The following LGALS2 variants were observed in gnomAD, a reference collection of about 807,000 sequenced individuals.
LGALS2 encodes the protein galectin-2.
In LGALS2, 7 loss-of-function variants were observed where a neutral mutation model predicts 10.1. The observed-to-expected ratio is 0.70, with a 90% CI of 0.40 to 1.31. The LOEUF is 1.31. LGALS2 is among the 50% of genes most tolerant of loss of function. The probability of loss-of-function intolerance (pLI) is 0.01; values close to 1 mark genes in which losing one functional copy is unlikely to be tolerated. For missense variants in LGALS2, 167 were observed against 163.6 expected, an observed-to-expected ratio of 1.02 and a Z score of -0.11; for synonymous variants, 86 against 64.2, an observed-to-expected ratio of 1.34 and a Z score of -1.63.
Position 37,570,420 on chromosome 22 carries a change from GA to G in LGALS2, c.250-9del. ...CTCAAAGGTCACTGTGAACTGTGGGGAGGGAGGGTGTCAAGGAGGCAGGAGG... is the reference window on the plus strand; with the variant it reads ...CTCAAAGGTCACTGTGAACTGTGGGGGGGAGGGTGTCAAGGAGGCAGGAGG... On this transcript the variant is annotated splice_polypyrimidine_tract_variant and intron_variant, in intron 3 of 3. Coordinates refer to ENST00000215886, the MANE Select transcript of LGALS2 (RefSeq NM_006498.3). 1.2e-6 allele frequency: 2 copies of G among 1,611,904 alleles called. No homozygotes were observed. Among genetic ancestry groups the G allele is most frequent in the Non-Finnish European group, 1.7e-6 (2 of 1,178,600 alleles).
intron 1 of LGALS2, among the ~76,000 whole-genome samples, chr22:37,576,028 T>C (rs1434436069): frequency 1.3e-5 from 2 of 152,124 alleles, no homozygotes; most frequent in African/African-American, 4.8e-5. Flanking sequence ...GGGTCCGTTG[T>C]CTCCTGGGAG....
In LGALS2 at chr22:37,571,863, G is replaced by A. The variant is rs375809117; in HGVS notation, c.75C>T (p.Ala25=). 47 of 1,613,958 alleles carry A rather than the reference G, an allele frequency of 2.9e-5. No homozygotes were observed. The highest frequency in any genetic ancestry group is 1.6e-4 in the East Asian group (7 of 44,864). ...ACCTTGCTCACCCATCAGTGCCATC[G>A]GCGATGCTGCCTGTGATCTTCAGGG... ...GSTLKITGSI[A]DGTDGFVINL... The change falls in exon 2 of 4, where the codon GCC becomes GCT. Residue 25 remains alanine, a synonymous_variant. Transcript: ENST00000215886.
chr22:37,577,659 G>T (rs1925730836), intron 1 of LGALS2, among the ~76,000 whole-genome samples: 1 of 152,034 alleles, frequency 6.6e-6, no homozygotes, highest in South Asian at 2.1e-4. Context: ...GATTACAGGG[G>T]TGAGCCACCC....
intron 1 of LGALS2, among the ~76,000 whole-genome samples, chr22:37,572,247 G>A (rs905025960): frequency 6.6e-6 from 1 of 152,252 alleles, no homozygotes; most frequent in African/African-American, 2.4e-5. Flanking sequence ...GTGTTCAAGT[G>A]ATGAAATCAC....
At chr22:37,577,352 C>CTT (rs35255946) in intron 1 of LGALS2, among the ~76,000 whole-genome samples, 59 of 136,724 alleles carry the variant, frequency 4.3e-4, no homozygotes, top group Admixed American at 9.7e-4. Flanking sequence ...TCAATGTGAC[C>CTT]TTTTTTTTTT....
At chr22:37,578,319 T>C (rs1925746331) in intron 1 of LGALS2, among the ~76,000 whole-genome samples, 1 of 152,218 alleles carries the variant, frequency 6.6e-6, no homozygotes, top group Non-Finnish European at 1.5e-5. Context: ...GGTCTCACTC[T>C]GTTGCCCAGG....
Position 37,572,096 on chromosome 22 carries a change from G to T in LGALS2, c.7-165C>A, listed in dbSNP as rs568757138. ...AGCTGGAAAGTGGCAGAGCCAGAGC[G>T]CTCTGATCAAGGCCTCCCAGAGCTT... On this transcript the variant is annotated intron_variant, in intron 1 of 3. Coordinates refer to ENST00000215886, the MANE Select transcript of LGALS2 (RefSeq NM_006498.3). Among the ~76,000 whole-genome samples, 2 of 152,178 alleles carry T rather than the reference G, an allele frequency of 1.3e-5. 1 individual carries two copies. Among genetic ancestry groups the T allele is most frequent in the South Asian group, 4.1e-4 (2 of 4,838 alleles).
chr22:37,571,920 C>T lies in LGALS2; in HGVS notation c.18G>A (p.Glu6=). Residue 6 remains glutamate, a synonymous_variant, in exon 2 of 4, where the codon GAG becomes GAA. Transcript: ENST00000215886. The part of the protein sequence containing the change: MTGEL[E]VKNMDMKPGS... ...CCGGCTTCATGTCCATGTTCTTAAC[C>T]TCAAGTTCCCCCTGGGCCAACAGAG... 2 of 1,614,030 alleles carry T rather than the reference C, an allele frequency of 1.2e-6. No individual in the cohort carries two copies. Among genetic ancestry groups the T allele is most frequent in the Non-Finnish European group, 8.5e-7 (1 of 1,179,872 alleles).
chr22:37,577,765 T>C (rs1180865712), intron 1 of LGALS2, among the ~76,000 whole-genome samples: 1 of 152,134 alleles, frequency 6.6e-6, no homozygotes, highest in Non-Finnish European at 1.5e-5. Flanking sequence ...CTAAATCCAA[T>C]ACGACCAGTG....
chr22:37,579,569 A>G (rs1321643116), intron 1 of LGALS2, among the ~76,000 whole-genome samples: 1 of 152,042 alleles, frequency 6.6e-6, no homozygotes, highest in Admixed American at 6.6e-5. Context: ...ATTAGCTGGG[A>G]TTACAGGCAT....
rs894241588 is a variant in LGALS2 at position 37,579,987 on chromosome 22, T to C, written c.-82A>G. ...TCAACTCGTGGTCAAGCTTATATCC[T>C]AGAATATTACACATTAACTCCCTCA... On this transcript the variant is annotated 5_prime_UTR_variant, in exon 1 of 4. Coordinates refer to ENST00000215886, the MANE Select transcript of LGALS2 (RefSeq NM_006498.3). 4.4e-5 allele frequency: 66 copies of C among 1,491,990 alleles called. No individual in the cohort carries two copies. The highest frequency in any genetic ancestry group is 5.5e-5 in the Non-Finnish European group (59 of 1,077,266). The allele number at this position is 1,491,990 out of a possible 1,614,324, so 92.4% of individuals were successfully genotyped here. A position where few individuals can be genotyped will look rare whatever the true frequency, so the allele number is the denominator to read the frequency against.
At chr22:37,576,007 G>A (rs1925662280) in intron 1 of LGALS2, among the ~76,000 whole-genome samples, 1 of 152,188 alleles carries the variant, frequency 6.6e-6, no homozygotes, top group Admixed American at 6.5e-5. Context: ...AACCAAGAAT[G>A]TCTCCAGACA....
chr22:37,574,099 T>C (rs1925591384), intron 1 of LGALS2, among the ~76,000 whole-genome samples: 1 of 152,206 alleles, frequency 6.6e-6, no homozygotes, highest in African/African-American at 2.4e-5. Flanking sequence ...TGATTACTTG[T>C]TGTTAAGATT....
intron 1 of LGALS2, among the ~76,000 whole-genome samples, chr22:37,575,269 A>T (rs1345014279): frequency 2.3e-4 from 33 of 143,630 alleles, no homozygotes; most frequent in Non-Finnish European, 3.9e-4. Flanking sequence ...TAGCACGATT[A>T]TAACTCACTG....
intron 1 of LGALS2, among the ~76,000 whole-genome samples, chr22:37,578,437 T>G (rs907000407): frequency 6.6e-6 from 1 of 152,186 alleles, no homozygotes. Context: ...CCACTAATTT[T>G]TTAAGGCAAA....
intron 1 of LGALS2, among the ~76,000 whole-genome samples, chr22:37,572,733 C>G (rs1007341412): frequency 6.7e-6 from 1 of 149,928 alleles, no homozygotes; most frequent in African/African-American, 2.5e-5. Context: ...CGTCACTGCC[C>G]TCCAGCCTGG....
In LGALS2 at chr22:37,579,871, G is replaced by A. The variant is rs750497113; in HGVS notation, c.6+29C>T. On this transcript the variant is annotated intron_variant, in intron 1 of 3. Transcript: ENST00000215886. ...GCAAAGACAAAGATGAACAGAGTGG[G>A]GCAGGCAGCAGGGGGCTAGTGTCCT... The A allele has an allele frequency of 1.2e-5, 19 of 1,605,448 alleles. No individual in the cohort carries two copies. The Admixed American group carries it at 1.9e-4, about 16-fold the overall frequency.
At position 37,572,495 on chromosome 22, in the gene LGALS2, G is replaced by A. The variant is rs1037962052; in HGVS notation, c.7-564C>T. On this transcript the variant is annotated intron_variant, in intron 1 of 3. Transcript: ENST00000215886. ...AAAAATAAAAAAATTGGCCGGACGC[G>A]GTGGCTCACACCTGTAATCCCAACA... 5.9e-5 allele frequency among the ~76,000 whole-genome samples: 9 copies of A among 151,938 alleles called. No homozygotes were observed. The South Asian group carries it at 1.2e-3, about 21-fold the overall frequency.
Position 37,570,355 on chromosome 22 carries a change from G to T in LGALS2, c.307C>A (p.Leu103Met). 6.2e-7 allele frequency: 1 copy of T among 1,614,128 alleles called. No individual in the cohort carries two copies. Among genetic ancestry groups the T allele is most frequent in the Non-Finnish European group, 8.5e-7 (1 of 1,179,998 alleles). Residue 103 changes from leucine (L) to methionine (M), a missense_variant, in exon 4 of 4, where the codon CTG becomes ATG. Coordinates refer to ENST00000215886, the MANE Select transcript of LGALS2 (RefSeq NM_006498.3). ...TGACCCAGCCTGTTGGGAAAAGTCA[G>T]CTCGTGCCCATCTGGCAGCTTCACC... Reference protein sequence around the residue: ...FKVKLPDGHELTFPNRLGHSH... With the variant: ...FKVKLPDGHEMTFPNRLGHSH...
Sources: gnomAD v4.1 joint callset for allele counts (sites outside exome capture counted in the v4.1 genomes callset) on GRCh38, gnomAD v4.1.1 for gene constraint, MANE v1.5 for transcripts, NCBI Gene and HGNC (gene_info 2026-07-23, HGNC 2026-07-21) for gene names.